Variants in CIROZ observed in about 807,000 individuals in gnomAD.
The protein encoded by CIROZ is ciliated left-right organizer protein containing ZP-N domains, also known as ciliated left-right organizer ZP-N domains-containing protein.
chr1:10,967,095 G>A, the CIROZ span, among the ~76,000 whole-genome samples: 2 of 150,150 alleles, frequency 1.3e-5, no homozygotes, highest in African/African-American at 4.9e-5. Flanking sequence ...GCTGCAGTGA[G>A]CCAAGATTGT....
the CIROZ span, among the ~76,000 whole-genome samples, chr1:10,956,837 C>T: frequency 6.6e-6 from 1 of 152,168 alleles, no homozygotes; most frequent in African/African-American, 2.4e-5. Context: ...CATACCCCAA[C>T]ACCTTCCAGC....
the CIROZ span, chr1:10,958,852 G>A: frequency 8.2e-7 from 1 of 1,225,368 alleles, no homozygotes. Context: ...TACCCCAGCA[G>A]GAGGCCGGTG....
chr1:10,971,177 G>A, the CIROZ span, among the ~76,000 whole-genome samples: 1 of 148,200 alleles, frequency 6.7e-6, no homozygotes, highest in Non-Finnish European at 1.5e-5. Flanking sequence ...GTAGAGTAGG[G>A]GCAAACTGGC....
the CIROZ span, chr1:10,956,925 T>C: frequency 1.9e-6 from 2 of 1,039,068 alleles, no homozygotes; most frequent in African/African-American, 1.6e-5. Context: ...AGAGGTGGGA[T>C]GAGACAGAGG....
At chr1:10,968,103 G>A in the CIROZ span, among the ~76,000 whole-genome samples, 16 of 152,336 alleles carry the variant, frequency 1.1e-4, no homozygotes, top group Middle Eastern at 3.4e-3. Flanking sequence ...AGGTTGCAGA[G>A]AGCTGAGATT....
chr1:10,965,155 C>T, the CIROZ span, among the ~76,000 whole-genome samples: 1 of 151,878 alleles, frequency 6.6e-6, no homozygotes. Context: ...GAACCCAAGT[C>T]TAAGCTTTGC....
At chr1:10,978,736 A>G in the CIROZ span, among the ~76,000 whole-genome samples, 36 of 152,072 alleles carry the variant, frequency 2.4e-4, no homozygotes, top group African/African-American at 8.7e-4. Flanking sequence ...TCCCATGCAA[A>G]GACCTGGGGA....
At chr1:10,981,003 C>T in the CIROZ span, among the ~76,000 whole-genome samples, 2 of 152,262 alleles carry the variant, frequency 1.3e-5, no homozygotes, top group South Asian at 2.1e-4. Context: ...AACAAAAGCC[C>T]TGCAGTCCAC....
the CIROZ span, chr1:10,955,265 T>G: frequency 7.3e-7 from 1 of 1,369,002 alleles, no homozygotes; most frequent in Non-Finnish European, 1.0e-6. Flanking sequence ...GGTGGGCCTT[T>G]GCCAGGGGCC....
chr1:10,969,165 G>A, the CIROZ span, among the ~76,000 whole-genome samples: 1 of 152,066 alleles, frequency 6.6e-6, no homozygotes, highest in Admixed American at 6.6e-5. Context: ...CTAGACTTGG[G>A]TGAGATTGGA....
chr1:10,976,987 G>T, the CIROZ span, among the ~76,000 whole-genome samples: 3 of 152,134 alleles, frequency 2.0e-5, no homozygotes, highest in Non-Finnish European at 4.4e-5. Flanking sequence ...GTGAAACCCT[G>T]TCTCTATTAA....
chr1:10,981,462 G>A, the CIROZ span, among the ~76,000 whole-genome samples: 1 of 150,678 alleles, frequency 6.6e-6, no homozygotes, highest in Admixed American at 6.7e-5. Context: ...GGAAGAAGGA[G>A]AGACAGAGAG....
At chr1:10,973,948 C>T in the CIROZ span, among the ~76,000 whole-genome samples, 3 of 138,960 alleles carry the variant, frequency 2.2e-5, no homozygotes, top group African/African-American at 9.1e-5. Flanking sequence ...TCGGGGACCC[C>T]AGGAAGGACC....
the CIROZ span, chr1:10,957,548 CTGCTCTTCTAGG>C: frequency 3.7e-5 from 59 of 1,580,346 alleles, no homozygotes; most frequent in Non-Finnish European, 4.6e-5. Context: ...GGGTGGCAAC[CTGCTCTTCTAGG>C]TGCTATGCCC....
At chr1:10,959,972 TCAA>T in the CIROZ span, among the ~76,000 whole-genome samples, 3 of 152,228 alleles carry the variant, frequency 2.0e-5, no homozygotes, top group East Asian at 5.8e-4. This position sits in a 1 kb window ranked among gnomAD's most constrained non-coding sequence, Gnocchi z 4.3. Flanking sequence ...CGGCAATTCC[TCAA>T]CAACACCACC....
the CIROZ span, among the ~76,000 whole-genome samples, chr1:10,981,249 G>A: frequency 6.6e-6 from 1 of 152,118 alleles, no homozygotes; most frequent in Non-Finnish European, 1.5e-5. Context: ...AGGAGTTTAA[G>A]ACCAGCCTGG....
the CIROZ span, chr1:10,957,508 C>T: frequency 6.7e-5 from 100 of 1,491,504 alleles, 1 homozygote; most frequent in Admixed American, 7.1e-4. Flanking sequence ...TGTCCAGTCT[C>T]GCAGGTGGAC....
chr1:10,981,315 T>G, the CIROZ span, among the ~76,000 whole-genome samples: 1 of 151,996 alleles, frequency 6.6e-6, no homozygotes, highest in African/African-American at 2.4e-5. Context: ...CAAAGTGTGG[T>G]GGCACATGCC....
chr1:10,977,830 T>C, the CIROZ span, among the ~76,000 whole-genome samples: 2 of 152,208 alleles, frequency 1.3e-5, no homozygotes, highest in African/African-American at 2.4e-5. Context: ...TAGTTTTCCA[T>C]TGAAGACACC....
Sources: allele counts gnomAD v4.1 joint callset (sites outside exome capture counted in the v4.1 genomes callset), GRCh38; gene constraint gnomAD v4.1.1; non-coding constraint Gnocchi (gnomAD v3.1); transcripts MANE v1.5; gene names NCBI Gene and HGNC (gene_info 2026-07-23, HGNC 2026-07-21).